The following NRXN1 variants were observed in gnomAD, a reference collection of about 807,000 sequenced individuals.
NRXN1 encodes the protein neurexin-1.
NRXN1 carries 39 observed loss-of-function variants against 150.9 expected under a neutral mutation model. The ratio of observed to expected loss-of-function variants is 0.26; its 90% CI spans 0.20 to 0.34. The LOEUF (loss-of-function observed/expected upper bound fraction) is 0.34, where lower values mean the gene tolerates loss of function less well. Among genes scored for constraint, NRXN1 ranks in the 10% least tolerant of loss-of-function variants. The pLI, the probability that NRXN1 is intolerant of heterozygous loss-of-function variation, is 1.00. For missense variants in NRXN1, 1,815 were observed against 1,949.9 expected (o/e 0.93, Z 1.30); for synonymous variants, 924 against 757.0 (o/e 1.22, Z -3.62).
At chr2:50,637,000 T>C (rs745846384) in intron 5 of NRXN1, among the ~76,000 whole-genome samples, 4 of 152,182 alleles carry the variant, frequency 2.6e-5, no homozygotes, top group Non-Finnish European at 5.9e-5. Context: ...TACTGACTAG[T>C]GTTTCCCTAT....
chr2:50,417,475 T>C (rs1295002569), intron 17 of NRXN1, among the ~76,000 whole-genome samples: 4 of 152,006 alleles, frequency 2.6e-5, no homozygotes, highest in Admixed American at 6.6e-5. Flanking sequence ...TCCATGATTT[T>C]TGACAATGTT....
At chr2:50,286,922 T>A (rs78782594) in intron 17 of NRXN1, among the ~76,000 whole-genome samples, 1 of 152,076 alleles carries the variant, frequency 6.6e-6, no homozygotes, top group African/African-American at 2.4e-5. Context: ...TGCTTCTTCC[T>A]CTTCTTCCTG....
chr2:50,355,004 T>A (rs2153004425), intron 17 of NRXN1, among the ~76,000 whole-genome samples: 1 of 152,206 alleles, frequency 6.6e-6, no homozygotes, highest in Non-Finnish European at 1.5e-5. Flanking sequence ...TCCAAATTCT[T>A]TGGTAAACAC....
intron 5 of NRXN1, among the ~76,000 whole-genome samples, chr2:50,724,579 G>A (rs540161820): frequency 6.6e-5 from 10 of 152,088 alleles, no homozygotes; most frequent in South Asian, 2.1e-4. Flanking sequence ...TATTAATCAC[G>A]TTGTATGGCT....
Position 50,828,562 on chromosome 2 carries a change from G to C in NRXN1, c.832+93307C>G, listed in dbSNP as rs563469036. 5.6e-4 allele frequency among the ~76,000 whole-genome samples: 84 copies of C among 148,834 alleles called. No individual in the cohort carries two copies. The South Asian group carries it at 0.017, about 30-fold the overall frequency. ...TCACCTCCCAGACGGGGTCGCGGCC[G>C]GGCAGAGGCGCTCCTTACATCCCAG... On this transcript the variant is annotated intron_variant, in intron 5 of 22. Transcript: ENST00000401669.
chr2:49,994,332 C>T (rs1053912110), intron 21 of NRXN1, among the ~76,000 whole-genome samples: 17 of 152,162 alleles, frequency 1.1e-4, no homozygotes, highest in Non-Finnish European at 2.1e-4. Context: ...CTCTTTCTTT[C>T]TCTATTGGTA....
chr2:50,609,522 T>C (rs751112649), intron 8 of NRXN1, among the ~76,000 whole-genome samples: 15 of 152,104 alleles, frequency 9.9e-5, no homozygotes, highest in South Asian at 2.1e-4. Flanking sequence ...GAGCCTCAAT[T>C]ACATAGTCTC....
intron 21 of NRXN1, among the ~76,000 whole-genome samples, chr2:50,009,968 T>C (rs1049180458): frequency 2.6e-5 from 4 of 152,148 alleles, no homozygotes; most frequent in Non-Finnish European, 4.4e-5. Flanking sequence ...GCCATTATTC[T>C]AATTTGTAAT....
At chr2:50,051,896 T>C (rs1651069786) in intron 21 of NRXN1, among the ~76,000 whole-genome samples, 1 of 152,060 alleles carries the variant, frequency 6.6e-6, no homozygotes, top group South Asian at 2.1e-4. Context: ...TGTAGCCACA[T>C]GCAAATAGGA....
chr2:50,310,027 T>C (rs1184376092), intron 17 of NRXN1, among the ~76,000 whole-genome samples: 1 of 152,140 alleles, frequency 6.6e-6, no homozygotes, highest in Non-Finnish European at 1.5e-5. Context: ...CCAGATGGTA[T>C]ATGTGCACTA....
At chr2:50,515,797 T>C (rs2092613983) in intron 12 of NRXN1, among the ~76,000 whole-genome samples, 1 of 152,056 alleles carries the variant, frequency 6.6e-6, no homozygotes, top group Non-Finnish European at 1.5e-5. Flanking sequence ...GCCTTGTCAT[T>C]GTGACAATGA....
chr2:50,096,813 G>A (rs1558870340), intron 18 of NRXN1, among the ~76,000 whole-genome samples: 1 of 152,062 alleles, frequency 6.6e-6, no homozygotes, highest in Non-Finnish European at 1.5e-5. Flanking sequence ...TATGACACTG[G>A]GAAGGTCCCT....
At chr2:50,221,733 A>T (rs1334613739) in intron 18 of NRXN1, among the ~76,000 whole-genome samples, 4 of 152,026 alleles carry the variant, frequency 2.6e-5, no homozygotes, top group East Asian at 3.9e-4. Context: ...CCACTACTGA[A>T]CATCTTACTT....
chr2:50,417,786 G>C (rs2083662822), intron 17 of NRXN1, among the ~76,000 whole-genome samples: 1 of 151,768 alleles, frequency 6.6e-6, no homozygotes, highest in Non-Finnish European at 1.5e-5. Context: ...AAGAAGAAAT[G>C]TACTGAAAAA....
At chr2:50,151,443 C>G (rs537431012) in intron 18 of NRXN1, among the ~76,000 whole-genome samples, 2 of 151,546 alleles carry the variant, frequency 1.3e-5, no homozygotes, top group Non-Finnish European at 1.5e-5. Flanking sequence ...ATTCTTATTT[C>G]CCCATGTTTC....
At chr2:50,913,730 A>G (rs1684839352) in intron 5 of NRXN1, among the ~76,000 whole-genome samples, 1 of 151,790 alleles carries the variant, frequency 6.6e-6, no homozygotes, top group Non-Finnish European at 1.5e-5. Context: ...ATGGACTATC[A>G]TGGGGTCGTA....
chr2:50,858,853 T>C (rs1675661812), intron 5 of NRXN1, among the ~76,000 whole-genome samples: 1 of 152,084 alleles, frequency 6.6e-6, no homozygotes, highest in Non-Finnish European at 1.5e-5. Flanking sequence ...ACAATAATTA[T>C]TTGCCTAGGG....
At chr2:50,222,553 C>T (rs927079167) in intron 18 of NRXN1, among the ~76,000 whole-genome samples, 4 of 151,884 alleles carry the variant, frequency 2.6e-5, no homozygotes, top group South Asian at 2.1e-4. Flanking sequence ...TGCTTTTACA[C>T]ATGTGAAACG....
intron 21 of NRXN1, among the ~76,000 whole-genome samples, chr2:50,035,131 T>C (rs1046121500): frequency 6.6e-6 from 1 of 152,148 alleles, no homozygotes; most frequent in Non-Finnish European, 1.5e-5. Flanking sequence ...ACCTGATTAT[T>C]TGAAGTTACA....
Sources: gnomAD v4.1 joint callset for allele counts (sites outside exome capture counted in the v4.1 genomes callset) on GRCh38, gnomAD v4.1.1 for gene constraint, MANE v1.5 for transcripts, NCBI Gene and HGNC (gene_info 2026-07-23, HGNC 2026-07-21) for gene names.